NCKAP5: variants seen among roughly 807,000 people sequenced by gnomAD.
The protein encoded by NCKAP5 is nck-associated protein 5.
In NCKAP5, 92 loss-of-function variants were observed where a neutral mutation model predicts 167.0. The ratio of observed to expected loss-of-function variants is 0.55; its 90% CI spans 0.47 to 0.66. The LOEUF (loss-of-function observed/expected upper bound fraction) is 0.66, where lower values mean the gene tolerates loss of function less well. Among genes scored for constraint, NCKAP5 ranks in the 30% least tolerant of loss-of-function variants. The pLI, the probability that NCKAP5 is intolerant of heterozygous loss-of-function variation, is 0.00. For missense variants in NCKAP5, 2,378 were observed against 2,315.0 expected (o/e 1.03, Z -0.56); for synonymous variants, 891 against 877.4 (o/e 1.02, Z -0.27).
chr2:132,979,161 A>G (rs1211458386), intron 7 of NCKAP5, among the ~76,000 whole-genome samples: 1 of 152,184 alleles, frequency 6.6e-6, no homozygotes, highest in African/African-American at 2.4e-5. Context: ...ACACTTGCTA[A>G]TTGTTCAACT....
intron 15 of NCKAP5, among the ~76,000 whole-genome samples, chr2:132,777,620 T>A (rs1244117411): frequency 1.3e-5 from 2 of 152,170 alleles, no homozygotes; most frequent in African/African-American, 4.8e-5. Context: ...TTGGAAAAGT[T>A]ACTAATTTAG....
chr2:132,834,863 T>C (rs1687777143), intron 11 of NCKAP5, among the ~76,000 whole-genome samples: 1 of 152,134 alleles, frequency 6.6e-6, no homozygotes, highest in Admixed American at 6.5e-5. Flanking sequence ...GAATAGGAGT[T>C]ATGAAAGTGG....
intron 6 of NCKAP5, among the ~76,000 whole-genome samples, chr2:133,114,908 G>T (rs1366434421): frequency 6.6e-6 from 1 of 151,968 alleles, no homozygotes; most frequent in East Asian, 1.9e-4. Context: ...GTCTCTCTCT[G>T]GTATGTTAGC....
At chr2:132,839,763 A>AC (rs1688163152) in intron 11 of NCKAP5, among the ~76,000 whole-genome samples, 1 of 150,838 alleles carries the variant, frequency 6.6e-6, no homozygotes, top group Non-Finnish European at 1.5e-5. Flanking sequence ...GTCTCAAAAA[A>AC]AAAAAAAAAA....
intron 3 of NCKAP5, among the ~76,000 whole-genome samples, chr2:133,513,789 G>A (rs1283058476): frequency 6.6e-6 from 1 of 152,128 alleles, no homozygotes; most frequent in African/African-American, 2.4e-5. Flanking sequence ...AGGGTACCAG[G>A]AAGAAATTCA....
chr2:133,030,422 C>T (rs17733147), intron 6 of NCKAP5, among the ~76,000 whole-genome samples: 39,869 of 152,036 alleles, frequency 0.26, 5,866 homozygotes, highest in Non-Finnish European at 0.31. Context: ...GAGCCTGTGT[C>T]GAAAGGTCTC....
chr2:133,673,554 G>A, the NCKAP5 span, among the ~76,000 whole-genome samples: 1 of 152,134 alleles, frequency 6.6e-6, no homozygotes, highest in Non-Finnish European at 1.5e-5. Context: ...TCACACAGAG[G>A]GTACAGAGCT....
chr2:133,034,864 A>G (rs533743288), intron 6 of NCKAP5, among the ~76,000 whole-genome samples: 9 of 152,208 alleles, frequency 5.9e-5, no homozygotes, highest in Middle Eastern at 6.8e-3. Context: ...AGAGAAGACC[A>G]TAAAACAACC....
intron 16 of NCKAP5, among the ~76,000 whole-genome samples, chr2:132,753,975 G>A (rs1469478884): frequency 2.6e-5 from 4 of 152,192 alleles, no homozygotes; most frequent in Non-Finnish European, 4.4e-5. Context: ...TTCCTCAGGT[G>A]AGAAAACTCT....
intron 11 of NCKAP5, among the ~76,000 whole-genome samples, chr2:132,847,040 C>G (rs929591342): frequency 6.6e-6 from 1 of 152,040 alleles, no homozygotes; most frequent in South Asian, 2.1e-4. Flanking sequence ...ATATTGTATG[C>G]TTTCAACTGT....
chr2:132,808,744 A>AT (rs984380992), intron 11 of NCKAP5, among the ~76,000 whole-genome samples: 7 of 150,712 alleles, frequency 4.6e-5, no homozygotes, highest in African/African-American at 1.2e-4. Context: ...CATCTTTTGT[A>AT]TTTTTTTTGG....
At chr2:133,466,327 C>G (rs371092538) in intron 3 of NCKAP5, among the ~76,000 whole-genome samples, 14 of 146,088 alleles carry the variant, frequency 9.6e-5, no homozygotes, top group African/African-American at 3.1e-4. Flanking sequence ...TGTAGATATG[C>G]GGCATTATTT....
At chr2:132,903,370 T>G (rs947931697) in intron 8 of NCKAP5, among the ~76,000 whole-genome samples, 8 of 152,212 alleles carry the variant, frequency 5.3e-5, no homozygotes, top group South Asian at 4.1e-4. Flanking sequence ...AAAGTTCTAT[T>G]GGATAGTACT....
At chr2:132,839,175 C>CA (rs1350863253) in intron 11 of NCKAP5, among the ~76,000 whole-genome samples, 32 of 152,082 alleles carry the variant, frequency 2.1e-4, no homozygotes, top group Admixed American at 2.0e-3. Flanking sequence ...TTAGGATTTT[C>CA]AAAAATCATA....
chr2:133,585,667 T>G, the NCKAP5 span, among the ~76,000 whole-genome samples: 2 of 152,376 alleles, frequency 1.3e-5, no homozygotes, highest in African/African-American at 4.8e-5. Flanking sequence ...ATTAGACATG[T>G]GTCAGTCACT....
intron 6 of NCKAP5, among the ~76,000 whole-genome samples, chr2:133,077,305 TA>T (rs1231249575): frequency 6.6e-6 from 1 of 152,316 alleles, no homozygotes; most frequent in East Asian, 1.9e-4. Context: ...ATGTTTGAGC[TA>T]AGTCCAACTG....
At chr2:133,577,026 T>C in the NCKAP5 span, among the ~76,000 whole-genome samples, 1 of 152,180 alleles carries the variant, frequency 6.6e-6, no homozygotes, top group African/African-American at 2.4e-5. Flanking sequence ...TATTTGGACT[T>C]GGGCTGGTAA....
chr2:133,670,001 T>G, the NCKAP5 span, among the ~76,000 whole-genome samples: 2 of 152,178 alleles, frequency 1.3e-5, no homozygotes, highest in African/African-American at 4.8e-5. Context: ...AAACAGAAGA[T>G]TCCTCAGTGA....
intron 8 of NCKAP5, chr2:132,926,172 CT>C: frequency 2.6e-6 from 1 of 382,682 alleles, no homozygotes; most frequent in Non-Finnish European, 5.3e-6. Flanking sequence ...AGTTATTTCT[CT>C]TAGGATAATG....
Sources: allele counts gnomAD v4.1 joint callset (sites outside exome capture counted in the v4.1 genomes callset), GRCh38; gene constraint gnomAD v4.1.1; transcripts MANE v1.5; gene names NCBI Gene and HGNC (gene_info 2026-07-23, HGNC 2026-07-21).